The following SMG6 variants were observed in gnomAD, a reference collection of about 807,000 sequenced individuals.
SMG6 encodes the protein SMG6 nonsense mediated mRNA decay factor.
Under a neutral mutation model 142.2 loss-of-function variants are expected in SMG6, and 66 were observed. That is an observed-to-expected ratio of 0.46 (90% CI 0.38 to 0.57). SMG6 has a LOEUF of 0.57. SMG6 is among the 20% of genes least tolerant of loss of function. The pLI is 0.00. For synonymous variants in SMG6, 779 were observed against 702.4 expected (o/e 1.11, Z -1.72); for missense variants, 1,793 against 1,832.0 (o/e 0.98, Z 0.39).
At chr17:2,264,273 G>C (rs1220564005) in intron 8 of SMG6, among the ~76,000 whole-genome samples, 3 of 152,182 alleles carry the variant, frequency 2.0e-5, no homozygotes, top group Non-Finnish European at 4.4e-5. Context: ...TGTCTAACTT[G>C]GCAAGGAGCC....
rs190966709 is a variant in SMG6, at chr17:2,085,976, C to G, written c.3358-75G>C. On this transcript the variant is annotated intron_variant, in intron 13 of 18. Transcript: ENST00000263073. This position sits in a 1 kb window ranked among gnomAD's most constrained non-coding sequence, Gnocchi z 4.1. ...ATGGAGACGAGATGTTGCTTGCCGG[C>G]TGAGGGGCACAGGGGAACTGTGTCA... is the stretch of plus-strand genomic sequence containing the variant. 1.6e-5 allele frequency: 23 copies of G among 1,457,228 alleles called. No homozygotes were observed. The African/African-American group carries it at 2.8e-4, about 18-fold the overall frequency. The allele number at this position is 1,457,228 out of a possible 1,614,324, so 90.3% of individuals were successfully genotyped here.
At chr17:2,152,972 T>C (rs1449455818) in intron 13 of SMG6, among the ~76,000 whole-genome samples, 1 of 152,184 alleles carries the variant, frequency 6.6e-6, no homozygotes, top group Admixed American at 6.5e-5. Context: ...AGTGTATGTA[T>C]ACAATGGAAT....
At chr17:2,292,721 A>G (rs2075065232) in intron 5 of SMG6, 91 bp from the exon 6 acceptor site, 3 of 1,515,570 alleles carry the variant, frequency 2.0e-6, no homozygotes, top group South Asian at 1.1e-5. Context: ...AACATAAGGT[A>G]GAGTGTTAGA....
intron 13 of SMG6, among the ~76,000 whole-genome samples, chr17:2,093,498 A>AT (rs1296143687): frequency 2.0e-5 from 3 of 152,150 alleles, no homozygotes; most frequent in Non-Finnish European, 4.4e-5. Context: ...GTGCTCGATA[A>AT]TTGAGCAGCT....
chr17:2,136,334 C>T (rs1340313847), intron 13 of SMG6, among the ~76,000 whole-genome samples: 1 of 152,070 alleles, frequency 6.6e-6, no homozygotes, highest in African/African-American at 2.4e-5. Flanking sequence ...TGAGTCACTG[C>T]GCCTGGCCAA....
At chr17:2,232,322 C>A (rs749215414) in intron 10 of SMG6, among the ~76,000 whole-genome samples, 1 of 152,180 alleles carries the variant, frequency 6.6e-6, no homozygotes, top group Non-Finnish European at 1.5e-5. Context: ...GAGATGACTA[C>A]CGAAGTGTTA....
At chr17:2,260,785 A>G (rs2074293195) in intron 8 of SMG6, among the ~76,000 whole-genome samples, 1 of 151,272 alleles carries the variant, frequency 6.6e-6, no homozygotes, top group Non-Finnish European at 1.5e-5. Context: ...ACCTGAGGTC[A>G]GGAGTTTGAG....
At chr17:2,147,262 G>A (rs1297060948) in intron 13 of SMG6, among the ~76,000 whole-genome samples, 2 of 152,078 alleles carry the variant, frequency 1.3e-5, no homozygotes, top group Non-Finnish European at 2.9e-5. Context: ...GCGTGGTGGT[G>A]GGTGACTGTA....
chr17:2,089,831 A>C (rs2068663982), intron 13 of SMG6: 1 of 152,118 alleles, frequency 6.6e-6, no homozygotes, highest in Non-Finnish European at 1.5e-5. Flanking sequence ...AGGTCAAGAG[A>C]GTAGACTGGG....
chr17:2,248,594 C>T lies in SMG6; in HGVS notation c.2662-3875G>A, dbSNP rs1366017584. Among the ~76,000 whole-genome samples, 3 of 152,174 alleles carry T rather than the reference C, an allele frequency of 2.0e-5. No individual in the cohort carries two copies. The South Asian group carries it at 6.2e-4, about 32-fold the overall frequency. On this transcript the variant is annotated intron_variant, in intron 8 of 18. Transcript: ENST00000263073. The stretch of plus-strand genomic sequence containing the variant: ...TCGATTTCAATGCATTACTTTTCAA[C>T]TAGTGGGAGTGAAGAAAATCTCAGA...
chr17:2,198,298 AT>A (rs1428806346), intron 10 of SMG6, among the ~76,000 whole-genome samples: 3 of 152,234 alleles, frequency 2.0e-5, no homozygotes, highest in African/African-American at 7.2e-5. Context: ...ATTTATAGAG[AT>A]GGAAAACAGA....
At chr17:2,301,129 G>A (rs539709684) in intron 1 of SMG6, among the ~76,000 whole-genome samples, 2 of 152,236 alleles carry the variant, frequency 1.3e-5, no homozygotes, top group South Asian at 4.1e-4. Flanking sequence ...ATAACAGCAG[G>A]AGGAAGAAGT....
intron 3 of SMG6, 28 bp from the exon 4 acceptor site, chr17:2,297,381 A>T (rs2075166259): frequency 6.5e-7 from 1 of 1,545,632 alleles, no homozygotes; most frequent in African/African-American, 1.4e-5. Flanking sequence ...GAAATGACTG[A>T]ATCAATCTAT....
intron 11 of SMG6, among the ~76,000 whole-genome samples, chr17:2,188,107 C>T (rs924109498): frequency 6.6e-6 from 1 of 152,036 alleles, no homozygotes; most frequent in Non-Finnish European, 1.5e-5. Flanking sequence ...TTTCTGGTTT[C>T]CTGAAGATGC....
intron 18 of SMG6, 150 bp from the exon 19 acceptor site, chr17:2,061,772 T>A: frequency 1.1e-6 from 1 of 917,332 alleles, no homozygotes; most frequent in Non-Finnish European, 1.6e-6. Context: ...CCGTCCGGGC[T>A]CTCAGCCCCG....
At chr17:2,259,736 T>G (rs189467624) in intron 8 of SMG6, among the ~76,000 whole-genome samples, 41 of 150,686 alleles carry the variant, frequency 2.7e-4, no homozygotes, top group Non-Finnish European at 4.3e-4. Context: ...ATAAAGGGAC[T>G]GTGCACAGTC....
At chr17:2,302,156 G>A (rs993248311) in intron 1 of SMG6, among the ~76,000 whole-genome samples, 2 of 152,168 alleles carry the variant, frequency 1.3e-5, no homozygotes, top group African/African-American at 4.8e-5. Flanking sequence ...GGAAGGCTGA[G>A]GTGGGAGGAT....
chr17:2,280,858 C>A (rs922567043), intron 8 of SMG6, among the ~76,000 whole-genome samples: 2 of 152,134 alleles, frequency 1.3e-5, no homozygotes, highest in African/African-American at 2.4e-5. Flanking sequence ...CACGGGAGGA[C>A]TGCTTGAGGC....
At chr17:2,144,816 T>C (rs1485835016) in intron 13 of SMG6, among the ~76,000 whole-genome samples, 1 of 152,134 alleles carries the variant, frequency 6.6e-6, no homozygotes, top group Non-Finnish European at 1.5e-5. Flanking sequence ...ATGCTCACCA[T>C]GAGGTTTCCT....
Sources: allele counts gnomAD v4.1 joint callset (sites outside exome capture counted in the v4.1 genomes callset), GRCh38; gene constraint gnomAD v4.1.1; non-coding constraint Gnocchi (gnomAD v3.1); transcripts MANE v1.5; gene names NCBI Gene and HGNC (gene_info 2026-07-23, HGNC 2026-07-21).